Variants in SLC24A2 observed in about 807,000 individuals in gnomAD.
SLC24A2 encodes the protein sodium/potassium/calcium exchanger 2.
SLC24A2 carries 36 observed loss-of-function variants against 62.0 expected under a neutral mutation model. The observed-to-expected ratio is 0.58, with a 90% confidence interval of 0.44 to 0.77. The LOEUF (loss-of-function observed/expected upper bound fraction) is 0.77, where lower values mean the gene tolerates loss of function less well. Ranked by LOEUF, SLC24A2 falls within the 30% of genes least tolerant of loss-of-function variation. SLC24A2 has a pLI of 0.00. For synonymous variants in SLC24A2, 358 were observed against 294.0 expected (o/e 1.22, Z -2.23); for missense variants, 846 against 817.9 (o/e 1.03, Z -0.42).
At chr9:19,921,214 A>G in the SLC24A2 span, among the ~76,000 whole-genome samples, 2 of 151,926 alleles carry the variant, frequency 1.3e-5, no homozygotes, top group African/African-American at 4.8e-5. Flanking sequence ...TAGTTTTACT[A>G]TCTTCACTAA....
At chr9:20,247,544 G>C in the SLC24A2 span, among the ~76,000 whole-genome samples, 2 of 152,168 alleles carry the variant, frequency 1.3e-5, no homozygotes, top group Non-Finnish European at 2.9e-5. Flanking sequence ...TAAGATTAAA[G>C]TGAGAAGTCA....
chr9:19,968,033 T>C, the SLC24A2 span: 1 of 152,212 alleles, frequency 6.6e-6, no homozygotes, highest in South Asian at 2.1e-4. Flanking sequence ...AGGTATGGCA[T>C]TGGGTAAGTT....
At chr9:20,032,956 G>A in the SLC24A2 span, among the ~76,000 whole-genome samples, 1 of 152,132 alleles carries the variant, frequency 6.6e-6, no homozygotes, top group Non-Finnish European at 1.5e-5. Context: ...TTTTACAGCT[G>A]GTATGCTTTG....
the SLC24A2 span, among the ~76,000 whole-genome samples, chr9:19,977,113 T>TTGTGTGTGTG: frequency 0.018 from 2,550 of 145,286 alleles, 32 homozygotes; most frequent in South Asian, 0.024. Flanking sequence ...ATTTCTATAT[T>TTGTGTGTGTG]TGTGTGTGTG....
the SLC24A2 span, among the ~76,000 whole-genome samples, chr9:20,048,169 GT>G: frequency 1.1e-4 from 16 of 152,170 alleles, no homozygotes; most frequent in African/African-American, 3.4e-4. Context: ...TTTAAATACA[GT>G]CCCCTTAGTA....
chr9:19,711,496 AATT>A (rs1211733287), intron 2 of SLC24A2, among the ~76,000 whole-genome samples: 1 of 152,214 alleles, frequency 6.6e-6, no homozygotes, highest in Non-Finnish European at 1.5e-5. Context: ...AGCTTAAAAA[AATT>A]ATGAGTGAGG....
the SLC24A2 span, among the ~76,000 whole-genome samples, chr9:20,083,973 C>T: frequency 6.6e-6 from 1 of 152,348 alleles, no homozygotes; most frequent in African/African-American, 2.4e-5. Context: ...ATACCTATTG[C>T]TCCTTTGGTA....
the SLC24A2 span, among the ~76,000 whole-genome samples, chr9:20,139,770 A>C: frequency 6.6e-6 from 1 of 152,248 alleles, no homozygotes; most frequent in South Asian, 2.1e-4. Flanking sequence ...ACACACTAAG[A>C]CTGGAGAAAC....
rs1474786296 is a variant in SLC24A2, at chr9:19,788,508, A to G, written c.-154+377T>C. ...TTCCCTGGTGGATTAATAGGAAAAT[A>G]AATCTAAAGGACAGACGCCCCACCT... On this transcript the variant is annotated intron_variant, in intron 1 of 10. Coordinates refer to ENST00000341998, the MANE Select transcript of SLC24A2 (RefSeq NM_020344.4). 6.1e-6 allele frequency: 6 copies of G among 985,248 alleles called. 1 individual carries two copies. The Admixed American group carries it at 3.1e-4, about 50-fold the overall frequency. The allele number at this position is 985,248 out of a possible 1,614,324, so 61.0% of individuals were successfully genotyped here.
chr9:20,130,970 T>C, the SLC24A2 span, among the ~76,000 whole-genome samples: 4 of 151,204 alleles, frequency 2.6e-5, no homozygotes, highest in African/African-American at 7.4e-5. Context: ...CCTTATCTCC[T>C]GCATGGGGGC....
At chr9:19,529,573 A>C (rs762480859) in intron 8 of SLC24A2, among the ~76,000 whole-genome samples, 4 of 152,164 alleles carry the variant, frequency 2.6e-5, no homozygotes, top group South Asian at 2.1e-4. Context: ...GGAGGGCATC[A>C]GGCCACAGTG....
intron 6 of SLC24A2, among the ~76,000 whole-genome samples, chr9:19,574,928 A>T (rs969281598): frequency 1.3e-5 from 2 of 152,186 alleles, no homozygotes; most frequent in African/African-American, 4.8e-5. Context: ...GTCAGATCCG[A>T]GCAGTATCAG....
Position 19,530,438 on chromosome 9 carries a change from T to A in SLC24A2, c.1480-2300A>T, listed in dbSNP as rs376567572. Among the ~76,000 whole-genome samples, 29 of 152,336 alleles carry A rather than the reference T, an allele frequency of 1.9e-4. No individual in the cohort carries two copies. In the South Asian group the frequency reaches 2.9e-3, roughly 15 times the overall value. ...CTAGGAGAGTCCTCATTTCATAGAT[T>A]GCTCGTTTTCCAGGTTAGCTCATTT... On this transcript the variant is annotated intron_variant, in intron 8 of 10. Transcript: ENST00000341998.
the SLC24A2 span, among the ~76,000 whole-genome samples, chr9:20,161,773 C>CACAT: frequency 6.6e-6 from 1 of 151,328 alleles, no homozygotes; most frequent in African/African-American, 2.4e-5. Context: ...CACACACACA[C>CACAT]ACACACACAC....
the SLC24A2 span, among the ~76,000 whole-genome samples, chr9:20,242,236 A>C: frequency 1.3e-5 from 2 of 152,210 alleles, no homozygotes; most frequent in African/African-American, 2.4e-5. Context: ...CATTCTGACC[A>C]TTTAGGTAGA....
the SLC24A2 span, among the ~76,000 whole-genome samples, chr9:20,119,309 C>T: frequency 3.0e-4 from 46 of 151,850 alleles, no homozygotes; most frequent in Middle Eastern, 3.4e-3. Flanking sequence ...TGAGGTAACA[C>T]ATGTTGCTTT....
At chr9:20,213,279 A>G in the SLC24A2 span, among the ~76,000 whole-genome samples, 2 of 151,956 alleles carry the variant, frequency 1.3e-5, no homozygotes, top group Non-Finnish European at 2.9e-5. Context: ...CTGGATTTAT[A>G]CATTATTTAG....
At chr9:20,186,596 G>T in the SLC24A2 span, among the ~76,000 whole-genome samples, 26 of 152,096 alleles carry the variant, frequency 1.7e-4, no homozygotes, top group East Asian at 5.0e-3. Context: ...CAGCTTTATG[G>T]TTAAGCATTC....
At chr9:20,061,163 GA>G in the SLC24A2 span, among the ~76,000 whole-genome samples, 2 of 151,898 alleles carry the variant, frequency 1.3e-5, no homozygotes, top group Non-Finnish European at 2.9e-5. Flanking sequence ...CAATTTTGAA[GA>G]AAAACAAAGT....
Sources: allele counts gnomAD v4.1 joint callset (sites outside exome capture counted in the v4.1 genomes callset), GRCh38; gene constraint gnomAD v4.1.1; transcripts MANE v1.5; gene names NCBI Gene and HGNC (gene_info 2026-07-23, HGNC 2026-07-21).